MYH16: variants seen among roughly 807,000 people sequenced by gnomAD.
MYH16 encodes the protein myosin heavy chain 16, also known as putative uncharacterized protein MYH16.
At chr7:99,268,035 CCTA>C (rs1300517772) in intron 18 of MYH16, among the ~76,000 whole-genome samples, 3 of 152,188 alleles carry the variant, frequency 2.0e-5, no homozygotes, top group Non-Finnish European at 4.4e-5. Flanking sequence ...TTATGGTGCG[CCTA>C]CTGTGTGCCA....
downstream of MYH16, among the ~76,000 whole-genome samples, chr7:99,308,282 G>A (rs540697735): frequency 4.6e-4 from 56 of 122,702 alleles, no homozygotes; most frequent in South Asian, 8.0e-3. Flanking sequence ...GTGACAGAGC[G>A]AGGCTCTGTC....
intron 1 of MYH16, among the ~76,000 whole-genome samples, chr7:99,241,059 G>A (rs1791661729): frequency 6.6e-6 from 1 of 152,154 alleles, no homozygotes; most frequent in Non-Finnish European, 1.5e-5. Context: ...GGAGCCCCAG[G>A]GTGCATCTAA....
intron 10 of MYH16, among the ~76,000 whole-genome samples, chr7:99,257,803 C>T (rs900816954): frequency 1.3e-5 from 2 of 152,034 alleles, no homozygotes; most frequent in Admixed American, 6.6e-5. Context: ...CACGCCACCA[C>T]GCCTGGCTAA....
chr7:99,243,801 C>T (rs1791696822), intron 2 of MYH16, among the ~76,000 whole-genome samples: 1 of 150,980 alleles, frequency 6.6e-6, no homozygotes, highest in Non-Finnish European at 1.5e-5. Flanking sequence ...ATTCATCCAT[C>T]CATCCATCCA....
intron 23 of MYH16, among the ~76,000 whole-genome samples, chr7:99,282,113 C>G (rs1792206356): frequency 6.6e-6 from 1 of 152,178 alleles, no homozygotes; most frequent in African/African-American, 2.4e-5. Flanking sequence ...ACCTCCGCCT[C>G]CCGGGTTCAA....
chr7:99,298,750 C>T (rs1337362126), intron 36 of MYH16, among the ~76,000 whole-genome samples: 5 of 146,622 alleles, frequency 3.4e-5, no homozygotes, highest in Admixed American at 1.4e-4. Flanking sequence ...TTTTCCCATT[C>T]TATGGTTGTC....
At chr7:99,246,710 A>G (rs1791735764) in intron 2 of MYH16, among the ~76,000 whole-genome samples, 1 of 151,896 alleles carries the variant, frequency 6.6e-6, no homozygotes, top group Non-Finnish European at 1.5e-5. Context: ...CACAAAATAT[A>G]TATAAATAAA....
At chr7:99,261,498 C>G (rs975068451) in exon 13 of MYH16, 1 of 154,416 alleles carries the variant, frequency 6.5e-6, no homozygotes, top group Non-Finnish European at 1.5e-5. Context: ...GCGTCTTCCC[C>G]AAAGCCACCG....
chr7:99,280,621 C>A (rs749581249), intron 22 of MYH16, among the ~76,000 whole-genome samples: 2 of 152,176 alleles, frequency 1.3e-5, no homozygotes, highest in Non-Finnish European at 2.9e-5. Context: ...CAGACTCTGG[C>A]GAGTCTGGTG....
At chr7:99,288,255 A>C (rs1420328056) in intron 29 of MYH16, 118 bp downstream of exon 10, 1 of 394,614 alleles carries the variant, frequency 2.5e-6, no homozygotes, top group Non-Finnish European at 5.1e-6. Flanking sequence ...CAGCCTGGAC[A>C]ACATAGCCAG....
intron 31 of MYH16, 53 bp downstream of exon 12, chr7:99,291,503 T>C: frequency 9.0e-6 from 4 of 445,742 alleles, no homozygotes; most frequent in Non-Finnish European, 1.4e-5. Flanking sequence ...CTTAAAGTTA[T>C]AGGTTACAGC....
At chr7:99,265,894 G>T (rs1376600117) in intron 17 of MYH16, among the ~76,000 whole-genome samples, 2 of 152,120 alleles carry the variant, frequency 1.3e-5, no homozygotes, top group Non-Finnish European at 2.9e-5. Flanking sequence ...AATTTCAACT[G>T]CCAGCCCCTG....
intron 22 of MYH16, among the ~76,000 whole-genome samples, chr7:99,280,416 G>A (rs1792186478): frequency 6.6e-6 from 1 of 152,250 alleles, no homozygotes; most frequent in South Asian, 2.1e-4. Flanking sequence ...CAAACAAGCA[G>A]TTGCTGCCCC....
intron 2 of MYH16, among the ~76,000 whole-genome samples, chr7:99,244,152 C>T (rs1791701934): frequency 6.6e-6 from 1 of 152,176 alleles, no homozygotes; most frequent in Non-Finnish European, 1.5e-5. Flanking sequence ...ATCCATCCAT[C>T]CATCCACTCA....
exon 25 of MYH16, chr7:99,283,885 T>A (rs145203369): frequency 2.2e-6 from 1 of 456,004 alleles, no homozygotes; most frequent in Non-Finnish European, 4.4e-6. Context: ...GGAGGATAAC[T>A]GGGAGCAGGA....
rs564081549 is a variant in MYH16, at chr7:99,295,861, G to T, written n.4283-840G>T. ...GAAAAAAAAAAAAAAAAAAAAAAAG[G>T]CTGGGCACAGTGGCTCAAGCCTATA... On this transcript the variant is annotated intron_variant and non_coding_transcript_variant, in intron 33 of 41. Coordinates refer to ENST00000439784, the Ensembl canonical transcript of MYH16. Among the ~76,000 whole-genome samples the T allele has an allele frequency of 2.1e-4, 30 of 140,304 alleles. No individual in the cohort carries two copies. The East Asian group carries it at 3.7e-3, about 17-fold the overall frequency. The allele number at this position is 140,304 out of a possible 152,430, so 92.0% of individuals were successfully genotyped here.
chr7:99,290,348 G>A (rs112357277), intron 30 of MYH16, among the ~76,000 whole-genome samples: 14 of 151,738 alleles, frequency 9.2e-5, no homozygotes, highest in South Asian at 2.1e-4. Flanking sequence ...ATAGCTGGGT[G>A]TGGTGGCGCA....
intron 37 of MYH16, among the ~76,000 whole-genome samples, chr7:99,300,615 T>G (rs1043850561): frequency 2.0e-5 from 3 of 152,112 alleles, no homozygotes; most frequent in African/African-American, 7.2e-5. Flanking sequence ...GTGACTGGCC[T>G]GGGCATCATA....
chr7:99,280,021 C>T (rs1792180313), intron 22 of MYH16, among the ~76,000 whole-genome samples: 1 of 152,148 alleles, frequency 6.6e-6, no homozygotes, highest in African/African-American at 2.4e-5. Flanking sequence ...ACACGTGTGG[C>T]ACCACCACAC....
Sources: gnomAD v4.1 joint callset for allele counts (sites outside exome capture counted in the v4.1 genomes callset) on GRCh38, gnomAD v4.1.1 for gene constraint, MANE v1.5 for transcripts, NCBI Gene and HGNC (gene_info 2026-07-23, HGNC 2026-07-21) for gene names.